Variants in EXOC7 observed in about 807,000 individuals in gnomAD.
The protein encoded by EXOC7 is exocyst complex component Exo70.
A neutral mutation model predicts 87.6 loss-of-function variants in EXOC7; 51 were observed. That is an observed-to-expected ratio of 0.58 (90% confidence interval 0.46 to 0.73). The LOEUF is 0.73. EXOC7 is among the 30% of genes least tolerant of loss of function. The pLI is 0.00. For missense variants in EXOC7, 744 were observed against 888.4 expected, an observed-to-expected ratio of 0.84 and a Z score of 2.07; for synonymous variants, 327 against 357.1, an observed-to-expected ratio of 0.92 and a Z score of 0.95.
chr17:76,084,936 C>T (rs947192763), intron 15 of EXOC7, among the ~76,000 whole-genome samples: 2 of 152,102 alleles, frequency 1.3e-5, no homozygotes, highest in Admixed American at 6.5e-5. Flanking sequence ...GAAACAAAGC[C>T]AGGAAGAAAG....
In EXOC7 at chr17:76,085,363, G is replaced by A. The variant is rs747989636; in HGVS notation, c.1663C>T (p.Arg555Cys). 41 of 1,610,106 alleles carry A rather than the reference G, an allele frequency of 2.5e-5. No homozygotes were observed. In the East Asian group the frequency reaches 8.0e-4, roughly 32 times the overall value. Residue 555 changes from arginine to cysteine, a missense_variant, in exon 15 of 19, where the codon CGC (arginine) becomes TGC (cysteine). This residue lies in a region of EXOC7 where 228 missense variants were observed against 298.6 expected (regional missense o/e 0.76). Coordinates refer to ENST00000589210, the MANE Select transcript of EXOC7 (RefSeq NM_001013839.4). ...LVAVTQKTAE[R>C]SYREHIEQQI... ...TGCTCAATGTGCTCCCGGTAGGAGC[G>A]CTCAGCAGTCTTCTGTGTCACTGCC...
At position 76,083,587 on chromosome 17, in the gene EXOC7, A is replaced by C. The variant is rs1024488231; in HGVS notation, c.*61T>G. On this transcript the variant is annotated 3_prime_UTR_variant, in exon 19 of 19. Transcript: ENST00000589210. Reference sequence around the variant, plus strand: ...TCACCCAGCCCAGAGGCAAGCTAACACTGGTTTATCTGTCCAATGACACGC... The same window carrying C: ...TCACCCAGCCCAGAGGCAAGCTAACCCTGGTTTATCTGTCCAATGACACGC... 2 of 1,548,714 alleles carry C rather than the reference A, an allele frequency of 1.3e-6. No individual in the cohort carries two copies. The highest frequency in any genetic ancestry group is 2.7e-5 in the African/African-American group (2 of 73,530).
In EXOC7 at chr17:76,082,003, AG is replaced by A. The variant is rs754796478; in HGVS notation, c.*1644del. 8 of 1,611,458 alleles carry A rather than the reference AG, an allele frequency of 5.0e-6. No homozygotes were observed. The East Asian group carries it at 1.8e-4, about 36-fold the overall frequency. ...AGAGCGGCCCCAGCCCAGCCCCGAG[AG>A]GGGAACAGCGAGAGCACGGCAACCC... is the stretch of plus-strand genomic sequence containing the variant. On this transcript the variant is annotated 3_prime_UTR_variant, in exon 19 of 19. Transcript: ENST00000589210.
chr17:76,082,731 T>C lies in EXOC7; in HGVS notation c.*917A>G. ...TGGGGGCGGGCCATGACAGGGCCTC[T>C]GGATTAAGCCACCCTGAGCTCTCCC... On this transcript the variant is annotated 3_prime_UTR_variant, in exon 19 of 19. Coordinates refer to ENST00000589210, the MANE Select transcript of EXOC7 (RefSeq NM_001013839.4). The C allele has an allele frequency of 5.7e-6, 8 of 1,414,614 alleles. 1 individual carries two copies. The highest frequency in any genetic ancestry group is 7.5e-6 in the Non-Finnish European group (8 of 1,061,326). 87.6% of individuals were successfully genotyped at this position (1,414,614 alleles called of 1,614,324 possible). A position where few individuals can be genotyped will look rare whatever the true frequency, so the allele number is the denominator to read the frequency against.
rs1281712551 is a variant in EXOC7 at position 76,098,013 on chromosome 17, C to A, written c.423G>T (p.Leu141=). 6.2e-7 allele frequency: 1 copy of A among 1,614,116 alleles called. No individual in the cohort carries two copies. The highest frequency in any genetic ancestry group is 8.5e-7 in the Non-Finnish European group (1 of 1,179,976). Residue 141 remains leucine (L), a synonymous_variant, in exon 5 of 19, where the codon CTG becomes CTT. Transcript: ENST00000589210. ...PDSPELNKVK[L]LFERGKEALE... ...GGGCCTCCTTCCCGCGCTCAAAGAG[C>A]AGTTTCTGCACAGACAACAGAAGGA... is the stretch of plus-strand genomic sequence containing the variant.
At chr17:76,100,236 A>T (rs2067991522) in intron 4 of EXOC7, among the ~76,000 whole-genome samples, 1 of 152,170 alleles carries the variant, frequency 6.6e-6, no homozygotes, top group Non-Finnish European at 1.5e-5. Flanking sequence ...ATGGGAGTGG[A>T]GTTTCACTTG....
intron 18 of EXOC7, 21 bp from the exon 19 acceptor site, chr17:76,083,771 G>A (rs964586854): frequency 1.9e-6 from 3 of 1,609,424 alleles, no homozygotes; most frequent in African/African-American, 2.7e-5. Context: ...ACTGTGGTCA[G>A]GGGACAGGGA....
chr17:76,085,265 G>T, intron 15 of EXOC7, 49 bp downstream of exon 15: 1 of 1,447,972 alleles, frequency 6.9e-7, no homozygotes, highest in Non-Finnish European at 9.5e-7. Context: ...GGAAGAGTGC[G>T]TGGTGGCACA....
rs2067185617 is a variant in EXOC7 at position 76,085,769 on chromosome 17, G to A, written c.1524C>T (p.Asn508=). 6 of 1,612,608 alleles carry A rather than the reference G, an allele frequency of 3.7e-6. No homozygotes were observed. Among genetic ancestry groups the A allele is most frequent in the Non-Finnish European group, 5.1e-6 (6 of 1,179,456 alleles). ...ICKVLGNLQL[N]LLSKSKVYED... is the part of the protein sequence containing the mutation. ...CGTACACCTTGGACTTGCTCAGCAA[G>A]TTCAACTGCAGGTTGCCCAGCACTT... The change falls in exon 14 of 19, where the codon AAC becomes AAT. Residue 508 remains asparagine, a synonymous_variant. Coordinates refer to ENST00000589210, the MANE Select transcript of EXOC7 (RefSeq NM_001013839.4).
chr17:76,090,762 C>T (rs1024620407), intron 7 of EXOC7: 2 of 539,866 alleles, frequency 3.7e-6, no homozygotes, highest in African/African-American at 3.8e-5. Context: ...TCCTCTGCTG[C>T]ACACACTCCC....
chr17:76,088,755 C>T lies in EXOC7; in HGVS notation c.1200+16G>A, dbSNP rs768040787. Reference sequence around the variant, plus strand: ...TGCCTCCTGGCTGTGTTTTTGAGGGCCCCTCGCCCACATACCTGGAGCACC... The same window carrying T: ...TGCCTCCTGGCTGTGTTTTTGAGGGTCCCTCGCCCACATACCTGGAGCACC... On this transcript the variant is annotated intron_variant, in intron 9 of 18. Transcript: ENST00000589210. 3 of 1,612,870 alleles carry T rather than the reference C, an allele frequency of 1.9e-6. No individual in the cohort carries two copies. Among genetic ancestry groups the T allele is most frequent in the Admixed American group, 3.3e-5 (2 of 60,000 alleles).
chr17:76,101,743 A>G lies in EXOC7; in HGVS notation c.247T>C (p.Cys83Arg), dbSNP rs1486945688. Residue 83 changes from cysteine (C) to arginine (R), a missense_variant, in exon 3 of 19, where the codon TGC becomes CGC. Physicochemically the swap from Cys to Arg is radical, Grantham distance 180. Around this residue, in one of 3 missense-constraint regions of EXOC7, gnomAD observed 512 missense variants for 573.0 expected, o/e 0.89. Transcript: ENST00000589210. Reference protein sequence around the residue: ...LQENVEKTLSCLDHVISYYHV... With the variant: ...LQENVEKTLSRLDHVISYYHV... ...TAGTAGCTGATGACATGGTCCAGGCAGGACAGCGTCTTCTCAACATTCTCC... is the reference window on the plus strand; with the variant it reads ...TAGTAGCTGATGACATGGTCCAGGCGGGACAGCGTCTTCTCAACATTCTCC... The G allele has an allele frequency of 6.2e-7, 1 of 1,614,062 alleles. No individual in the cohort carries two copies. The highest frequency in any genetic ancestry group is 8.5e-7 in the Non-Finnish European group (1 of 1,180,044).
Sources: allele counts gnomAD v4.1 joint callset (sites outside exome capture counted in the v4.1 genomes callset), GRCh38; gene constraint gnomAD v4.1.1; regional missense constraint gnomAD v4.1.1; transcripts MANE v1.5; gene names NCBI Gene and HGNC (gene_info 2026-07-23, HGNC 2026-07-21).